DLGAP1: variants seen among roughly 807,000 people sequenced by gnomAD.
DLGAP1 encodes DLG associated protein 1.
A neutral mutation model predicts 90.8 loss-of-function variants in DLGAP1; 11 were observed. That is an observed-to-expected ratio of 0.12 (90% CI 0.08 to 0.20). The LOEUF (loss-of-function observed/expected upper bound fraction) is 0.20, where lower values mean the gene tolerates loss of function less well. Ranked by LOEUF, DLGAP1 falls within the 10% of genes least tolerant of loss-of-function variation. The pLI, the probability that DLGAP1 is intolerant of heterozygous loss-of-function variation, is 1.00. For missense variants in DLGAP1, 1,050 were observed against 1,333.8 expected (o/e 0.79, Z 3.31); for synonymous variants, 558 against 540.7 (o/e 1.03, Z -0.44).
intron 1 of DLGAP1, among the ~76,000 whole-genome samples, chr18:4,308,981 G>T (rs893576030): frequency 4.6e-5 from 7 of 152,188 alleles, no homozygotes; most frequent in Non-Finnish European, 7.3e-5. Context: ...TAAACACCTT[G>T]TGGTCATTAT....
chr18:4,337,609 C>T (rs530283362), intron 1 of DLGAP1, among the ~76,000 whole-genome samples: 2 of 152,212 alleles, frequency 1.3e-5, no homozygotes, highest in South Asian at 4.1e-4. Flanking sequence ...ATAAAAATCA[C>T]ACAAATCTCC....
At chr18:3,927,831 TCCATAGGTTC>T (rs1371255342) in intron 3 of DLGAP1, among the ~76,000 whole-genome samples, 2 of 152,168 alleles carry the variant, frequency 1.3e-5, no homozygotes, top group Non-Finnish European at 2.9e-5. Context: ...CCCAATATAA[TCCATAGGTTC>T]CCAAGGAGCA....
intron 10 of DLGAP1, among the ~76,000 whole-genome samples, chr18:3,519,382 A>G (rs895464583): frequency 1.3e-5 from 2 of 152,110 alleles, no homozygotes; most frequent in African/African-American, 2.4e-5. Flanking sequence ...CTGATCCTTC[A>G]CTGCTGCCCG....
intron 2 of DLGAP1, among the ~76,000 whole-genome samples, chr18:4,131,726 T>A (rs2076320587): frequency 6.6e-6 from 1 of 152,192 alleles, no homozygotes; most frequent in Non-Finnish European, 1.5e-5. Context: ...GACAAGAAAC[T>A]GCTGGATTGG....
At chr18:4,338,572 A>G (rs1377630218) in intron 1 of DLGAP1, among the ~76,000 whole-genome samples, 2 of 152,206 alleles carry the variant, frequency 1.3e-5, no homozygotes, top group African/African-American at 4.8e-5. Context: ...CAGAGAAAGT[A>G]TACCAAGATG....
At position 3,879,191 on chromosome 18, in the gene DLGAP1, T is replaced by A; in HGVS notation, c.878A>T (p.Gln293Leu). ...LTVSRAREVY[Q>L]KASVNMDQAM... ...CTGGTCCATGTTCACCGAGGCCTTC[T>A]GGTAAACCTCCCGGGCCCGGCTCAC... The change falls in exon 4 of 13, where the codon CAG (glutamine) becomes CTG (leucine). Residue 293 changes from glutamine to leucine, a missense_variant. Gln to Leu is a moderately radical substitution (Grantham distance 113). Transcript: ENST00000315677. The surrounding 1 kb of genome is among the most constrained non-coding windows in gnomAD (Gnocchi z 6.6). 6.5e-7 allele frequency: 1 copy of A among 1,533,310 alleles called. No individual in the cohort carries two copies. The allele number at this position is 1,533,310 out of a possible 1,614,324, so 95.0% of individuals were successfully genotyped here.
chr18:4,342,735 T>C lies in DLGAP1; in HGVS notation c.-267+112271A>G, dbSNP rs1407101482. Among the ~76,000 whole-genome samples the C allele has an allele frequency of 6.6e-6, 1 of 152,194 alleles. No homozygotes were observed. The highest frequency in any genetic ancestry group is 6.5e-5 in the Admixed American group (1 of 15,276). On this transcript the variant is annotated intron_variant, in intron 1 of 12. Coordinates refer to ENST00000315677, the MANE Select transcript of DLGAP1 (RefSeq NM_004746.4). The surrounding 1 kb of genome is among the most constrained non-coding windows in gnomAD (Gnocchi z 5.8). ...ACATATCATTCTTATACCTGCTTGC[T>C]TACACAATTAAGTTATTTTAAAAGA...
At chr18:3,807,224 T>C (rs2066608058) in intron 5 of DLGAP1, among the ~76,000 whole-genome samples, 1 of 152,242 alleles carries the variant, frequency 6.6e-6, no homozygotes. Context: ...CAATCTGTTT[T>C]GAATGTCTGT....
At chr18:3,950,996 C>T (rs1222992313) in intron 3 of DLGAP1, among the ~76,000 whole-genome samples, 1 of 152,188 alleles carries the variant, frequency 6.6e-6, no homozygotes, top group Non-Finnish European at 1.5e-5. Context: ...GTCCCTTAAA[C>T]AGCACATGAA....
At chr18:4,335,246 C>A (rs969248043) in intron 1 of DLGAP1, among the ~76,000 whole-genome samples, 1 of 151,908 alleles carries the variant, frequency 6.6e-6, no homozygotes, top group Non-Finnish European at 1.5e-5. Context: ...TCAAAGCCAT[C>A]CCGAAGAATG....
intron 1 of DLGAP1, among the ~76,000 whole-genome samples, chr18:4,355,615 T>C (rs779920981): frequency 6.6e-5 from 10 of 152,036 alleles, no homozygotes; most frequent in Non-Finnish European, 1.3e-4. Context: ...GCATATGTAA[T>C]TGGTGAAATT....
At chr18:4,039,091 C>T (rs1423702757) in intron 2 of DLGAP1, among the ~76,000 whole-genome samples, 1 of 152,054 alleles carries the variant, frequency 6.6e-6, no homozygotes, top group Non-Finnish European at 1.5e-5. Flanking sequence ...TAGCCCTCAA[C>T]CTCGAAAACA....
At chr18:3,781,770 ATT>A (rs1251522613) in intron 5 of DLGAP1, among the ~76,000 whole-genome samples, 4 of 152,250 alleles carry the variant, frequency 2.6e-5, no homozygotes, top group Non-Finnish European at 4.4e-5. Context: ...GCATTTACAA[ATT>A]TTGATCTATA....
chr18:4,410,635 C>T (rs925563820), intron 1 of DLGAP1, among the ~76,000 whole-genome samples: 11 of 151,952 alleles, frequency 7.2e-5, no homozygotes, highest in African/African-American at 2.7e-4. Context: ...ATTACATATA[C>T]AGTATCCGCT....
At chr18:3,861,680 AG>A (rs1280669904) in intron 4 of DLGAP1, among the ~76,000 whole-genome samples, 1 of 152,172 alleles carries the variant, frequency 6.6e-6, no homozygotes, top group East Asian at 1.9e-4. Flanking sequence ...GGTCTTTTTG[AG>A]ATAGGATTAT....
chr18:3,700,307 A>G (rs2061238135), intron 7 of DLGAP1, among the ~76,000 whole-genome samples: 1 of 152,324 alleles, frequency 6.6e-6, no homozygotes, highest in South Asian at 2.1e-4. Flanking sequence ...TGGGAAAAGC[A>G]TAGTATCTGA....
chr18:3,951,274 T>C (rs2072979996), intron 3 of DLGAP1, among the ~76,000 whole-genome samples: 1 of 152,216 alleles, frequency 6.6e-6, no homozygotes, highest in Admixed American at 6.5e-5. Flanking sequence ...TACACACATA[T>C]ACAAACACAT....
intron 6 of DLGAP1, among the ~76,000 whole-genome samples, chr18:3,732,606 T>G (rs750462878): frequency 1.2e-4 from 18 of 152,248 alleles, no homozygotes; most frequent in Non-Finnish European, 2.1e-4. Context: ...TTTGATGGTT[T>G]TAAGTCAATT....
chr18:4,398,397 A>T (rs972235057), intron 1 of DLGAP1, among the ~76,000 whole-genome samples: 8 of 152,226 alleles, frequency 5.3e-5, no homozygotes, highest in Admixed American at 2.0e-4. Flanking sequence ...TTGAAGTCAA[A>T]TACAGTGAAA....
Sources: allele counts gnomAD v4.1 joint callset (sites outside exome capture counted in the v4.1 genomes callset), GRCh38; gene constraint gnomAD v4.1.1; non-coding constraint Gnocchi (gnomAD v3.1); transcripts MANE v1.5; gene names NCBI Gene and HGNC (gene_info 2026-07-23, HGNC 2026-07-21).